MACROD2: variants seen among roughly 807,000 people sequenced by gnomAD.
The protein encoded by MACROD2 is ADP-ribose glycohydrolase MACROD2.
A neutral mutation model predicts 70.4 loss-of-function variants in MACROD2; 36 were observed. The ratio of observed to expected loss-of-function variants is 0.51; its 90% confidence interval spans 0.39 to 0.68. The LOEUF (loss-of-function observed/expected upper bound fraction) is 0.68. Ranked by LOEUF, MACROD2 falls within the 30% of genes least tolerant of loss-of-function variation. The pLI is 0.00. For synonymous variants in MACROD2, 172 were observed against 178.8 expected, an observed-to-expected ratio of 0.96 and a Z score of 0.30; for missense variants, 496 against 538.4, an observed-to-expected ratio of 0.92 and a Z score of 0.78.
intron 8 of MACROD2, among the ~76,000 whole-genome samples, chr20:15,690,782 A>C (rs1239946712): frequency 6.6e-6 from 1 of 152,192 alleles, no homozygotes; most frequent in East Asian, 1.9e-4. Context: ...CCATGATGAC[A>C]TGACCAACCA....
At chr20:15,942,127 T>A (rs1183635225) in intron 12 of MACROD2, among the ~76,000 whole-genome samples, 1 of 152,178 alleles carries the variant, frequency 6.6e-6, no homozygotes, top group Non-Finnish European at 1.5e-5. Context: ...TAGACATATT[T>A]TCCACTGGGA....
At chr20:14,182,538 G>A (rs1331829762) in intron 3 of MACROD2, among the ~76,000 whole-genome samples, 1 of 152,002 alleles carries the variant, frequency 6.6e-6, no homozygotes, top group Non-Finnish European at 1.5e-5. Context: ...TTGTATATAA[G>A]AAACTATTGC....
rs968764358 is a variant in MACROD2 at position 15,186,301 on chromosome 20, C to A, written c.419-43639C>A. ...ATTAGGCAGTCAGCAGACGAACTAG[C>A]ACCCAGGTTCTGTTCACCTGCACAC... On this transcript the variant is annotated intron_variant, in intron 5 of 17. Transcript: ENST00000684519. 2.6e-5 allele frequency among the ~76,000 whole-genome samples: 4 copies of A among 152,304 alleles called. No individual in the cohort carries two copies. In the Middle Eastern group the frequency reaches 0.01, roughly 389 times the overall value.
At chr20:15,326,061 A>G (rs2077925540) in intron 6 of MACROD2, among the ~76,000 whole-genome samples, 1 of 152,170 alleles carries the variant, frequency 6.6e-6, no homozygotes, top group Admixed American at 6.6e-5. Flanking sequence ...TAATTGCAAA[A>G]GTGATGAATG....
chr20:14,842,423 A>C (rs1306212760), intron 5 of MACROD2, among the ~76,000 whole-genome samples: 1 of 152,038 alleles, frequency 6.6e-6, no homozygotes, highest in African/African-American at 2.4e-5. Flanking sequence ...ATTTCACTGA[A>C]ACACTTACAT....
intron 15 of MACROD2, among the ~76,000 whole-genome samples, chr20:16,035,173 ATATTATATAT>A (rs2067216091): frequency 1.7e-4 from 1 of 5,898 alleles, no homozygotes; most frequent in African/African-American, 2.6e-4. Context: ...AAAATATAAA[ATATTATATAT>A]TATATATAAA....
intron 5 of MACROD2, among the ~76,000 whole-genome samples, chr20:14,813,033 G>A (rs895497623): frequency 1.3e-5 from 2 of 151,676 alleles, no homozygotes; most frequent in Non-Finnish European, 2.9e-5. Context: ...ACATTTACCC[G>A]TTTATTGCAA....
At chr20:14,060,098 A>G (rs2053675202) in intron 2 of MACROD2, among the ~76,000 whole-genome samples, 1 of 152,224 alleles carries the variant, frequency 6.6e-6, no homozygotes. Flanking sequence ...TACAGATTCA[A>G]TTACTATAGC....
chr20:14,883,774 G>T (rs547025379), intron 5 of MACROD2, among the ~76,000 whole-genome samples: 1 of 151,726 alleles, frequency 6.6e-6, no homozygotes, highest in South Asian at 2.1e-4. Flanking sequence ...GGCACTTCCA[G>T]AGAGGCTCAC....
chr20:15,162,921 G>A (rs551195942), intron 5 of MACROD2, among the ~76,000 whole-genome samples: 4 of 152,128 alleles, frequency 2.6e-5, no homozygotes, highest in African/African-American at 9.6e-5. Flanking sequence ...AAACATGACT[G>A]TATAAAATAA....
chr20:15,848,181 A>G (rs1451952242), intron 8 of MACROD2, among the ~76,000 whole-genome samples: 1 of 152,194 alleles, frequency 6.6e-6, no homozygotes, highest in Admixed American at 6.5e-5. Flanking sequence ...ATGTTGAAAC[A>G]TCTGTATCAA....
intron 5 of MACROD2, among the ~76,000 whole-genome samples, chr20:14,865,049 G>A (rs1404380523): frequency 6.6e-6 from 1 of 152,046 alleles, no homozygotes; most frequent in East Asian, 1.9e-4. Flanking sequence ...GGCCTGTTTG[G>A]TTTGTGTCCA....
At chr20:15,535,322 A>G (rs1600550744) in intron 8 of MACROD2, among the ~76,000 whole-genome samples, 1 of 73,780 alleles carries the variant, frequency 1.4e-5, no homozygotes, top group Non-Finnish European at 2.5e-5. Context: ...AGGGACAATG[A>G]AAGCCTTTTA....
At chr20:14,146,580 T>G (rs912888845) in intron 3 of MACROD2, among the ~76,000 whole-genome samples, 2 of 152,146 alleles carry the variant, frequency 1.3e-5, no homozygotes, top group African/African-American at 4.8e-5. Context: ...TGTATGTCAC[T>G]GTAGAATCCA....
At chr20:14,011,620 C>T (rs1001460675) in intron 2 of MACROD2, among the ~76,000 whole-genome samples, 6 of 152,090 alleles carry the variant, frequency 3.9e-5, no homozygotes, top group Non-Finnish European at 7.4e-5. Flanking sequence ...GCTCTGCCTC[C>T]CGGGTTCATG....
At chr20:14,828,713 G>A (rs886645154) in intron 5 of MACROD2, among the ~76,000 whole-genome samples, 5 of 152,074 alleles carry the variant, frequency 3.3e-5, no homozygotes, top group African/African-American at 1.2e-4. Context: ...GGTGACATTT[G>A]ACACTTGAAA....
chr20:14,206,136 G>A (rs1213164699), intron 3 of MACROD2, among the ~76,000 whole-genome samples: 2 of 152,204 alleles, frequency 1.3e-5, no homozygotes, highest in African/African-American at 4.8e-5. Context: ...GACATTCAGT[G>A]GACAGAGCAT....
At chr20:14,461,299 A>G (rs919496490) in intron 3 of MACROD2, among the ~76,000 whole-genome samples, 7 of 151,590 alleles carry the variant, frequency 4.6e-5, no homozygotes, top group Non-Finnish European at 8.8e-5. Context: ...TATTGTGTCT[A>G]TTTGATTCTT....
At chr20:15,967,064 A>G (rs2066150998) in intron 12 of MACROD2, among the ~76,000 whole-genome samples, 1 of 152,154 alleles carries the variant, frequency 6.6e-6, no homozygotes, top group Non-Finnish European at 1.5e-5. Flanking sequence ...CATTCCCTCT[A>G]TGCTATTGTT....
Sources: gnomAD v4.1 joint callset for allele counts (sites outside exome capture counted in the v4.1 genomes callset) on GRCh38, gnomAD v4.1.1 for gene constraint, MANE v1.5 for transcripts, NCBI Gene and HGNC (gene_info 2026-07-23, HGNC 2026-07-21) for gene names.